The following UBE3D variants were observed in gnomAD, a reference collection of about 807,000 sequenced individuals.
The protein encoded by UBE3D is E3 ubiquitin-protein ligase E3D.
Under a neutral mutation model 49.6 loss-of-function variants are expected in UBE3D, and 48 were observed. The ratio of observed to expected loss-of-function variants is 0.97; its 90% CI spans 0.77 to 1.23. The LOEUF (loss-of-function observed/expected upper bound fraction) is 1.23, where lower values mean the gene tolerates loss of function less well. Among genes scored for constraint, UBE3D ranks in the 50% most tolerant of loss-of-function variants. The probability of loss-of-function intolerance (pLI) is 0.00; values close to 1 mark genes in which losing one functional copy is unlikely to be tolerated. For missense variants in UBE3D, 452 were observed against 468.4 expected (o/e 0.96, Z 0.32); for synonymous variants, 189 against 174.2 (o/e 1.08, Z -0.67).
At chr6:82,959,442 TC>T (rs1776390266) in intron 8 of UBE3D, among the ~76,000 whole-genome samples, 1 of 151,522 alleles carries the variant, frequency 6.6e-6, no homozygotes, top group Non-Finnish European at 1.5e-5. Context: ...AACTTCATTC[TC>T]CCCTGCTCTG....
chr6:82,889,278 TG>T (rs1425188330), downstream of UBE3D, among the ~76,000 whole-genome samples: 3 of 152,254 alleles, frequency 2.0e-5, no homozygotes, highest in Non-Finnish European at 4.4e-5. Context: ...GCAACTAGGC[TG>T]GCTTTATCAT....
chr6:82,905,476 C>G (rs1189057496), intron 9 of UBE3D, among the ~76,000 whole-genome samples: 1 of 152,120 alleles, frequency 6.6e-6, no homozygotes, highest in Non-Finnish European at 1.5e-5. Flanking sequence ...CAATGACCAG[C>G]CGTTACCCTG....
intron 8 of UBE3D, among the ~76,000 whole-genome samples, chr6:83,009,217 T>A (rs985111444): frequency 6.6e-6 from 1 of 152,176 alleles, no homozygotes; most frequent in South Asian, 2.1e-4. Flanking sequence ...AACTGGTACA[T>A]CCATGCTAGT....
At chr6:82,912,252 T>A (rs1772580391) in intron 9 of UBE3D, among the ~76,000 whole-genome samples, 1 of 152,144 alleles carries the variant, frequency 6.6e-6, no homozygotes, top group Non-Finnish European at 1.5e-5. Context: ...ACTTTATCAT[T>A]TTTACTCCTC....
chr6:82,883,344 C>A, the UBE3D span, among the ~76,000 whole-genome samples: 6 of 152,106 alleles, frequency 3.9e-5, no homozygotes, highest in African/African-American at 1.2e-4. Flanking sequence ...TAACTCAAAT[C>A]GATCATACCC....
intron 1 of UBE3D, among the ~76,000 whole-genome samples, chr6:83,064,255 C>A (rs1784358848): frequency 6.6e-6 from 1 of 151,980 alleles, no homozygotes. Context: ...GACGGAGTCT[C>A]TTTCTGTTGC....
intron 8 of UBE3D, among the ~76,000 whole-genome samples, chr6:82,985,023 T>TTC: frequency 7.0e-6 from 1 of 141,948 alleles, no homozygotes; most frequent in East Asian, 2.1e-4. Context: ...TTTTTTTTTT[T>TTC]TTTTTTTTTG....
rs141990568 is a variant in UBE3D at position 83,052,200 on chromosome 6, A to G, written c.365+1948T>C. Among the ~76,000 whole-genome samples the G allele has an allele frequency of 4.1e-3, 624 of 152,310 alleles. 1 individual carries two copies. Among genetic ancestry groups the G allele is most frequent in the Non-Finnish European group, 7.1e-3 (484 of 68,038 alleles). Reference sequence around the variant, plus strand: ...AAAAGAATTGAGGCACAGAATGGTTAAGTAACTTGCCCAGAGTCACACTGC... The same window carrying G: ...AAAAGAATTGAGGCACAGAATGGTTGAGTAACTTGCCCAGAGTCACACTGC... On this transcript the variant is annotated intron_variant, in intron 3 of 9. Transcript: ENST00000369747.
chr6:82,970,508 T>C (rs1777268218), intron 8 of UBE3D, among the ~76,000 whole-genome samples: 1 of 152,132 alleles, frequency 6.6e-6, no homozygotes, highest in Non-Finnish European at 1.5e-5. Context: ...TTTAAACCAT[T>C]TTGAAGGTCA....
intron 3 of UBE3D, 115 bp from the exon 4 acceptor site, chr6:83,044,774 AT>A (rs1444414510): frequency 3.6e-5 from 30 of 825,156 alleles, no homozygotes; most frequent in South Asian, 5.4e-5. Flanking sequence ...TGCAATGCTA[AT>A]TTTTTCCCCA....
intron 8 of UBE3D, among the ~76,000 whole-genome samples, chr6:82,998,632 T>A (rs1779406811): frequency 6.6e-6 from 1 of 152,224 alleles, no homozygotes; most frequent in South Asian, 2.1e-4. Flanking sequence ...CCATCAATAA[T>A]CTTTGGTACT....
intron 8 of UBE3D, among the ~76,000 whole-genome samples, chr6:82,999,165 G>C (rs539066949): frequency 5.6e-4 from 85 of 152,252 alleles, no homozygotes; most frequent in African/African-American, 1.7e-3. Flanking sequence ...CAGAGGACAA[G>C]TATTTCATCT....
At chr6:83,042,748 G>T (rs991261457) in intron 4 of UBE3D, among the ~76,000 whole-genome samples, 4 of 152,170 alleles carry the variant, frequency 2.6e-5, no homozygotes, top group Non-Finnish European at 5.9e-5. Flanking sequence ...TTTCCCAAGA[G>T]ATACCATTAG....
chr6:82,937,233 T>C lies in UBE3D; in HGVS notation c.1149+20079A>G, dbSNP rs139418377. On this transcript the variant is annotated intron_variant, in intron 9 of 9. Coordinates refer to ENST00000369747, the MANE Select transcript of UBE3D (RefSeq NM_198920.3). ...AGGAGGGCTCACAAGAGGTTCTCAA[T>C]GGAGGCTTGAGAACAGTTTCACCTT... is the stretch of plus-strand genomic sequence containing the variant. Among the ~76,000 whole-genome samples, 265 of 152,308 alleles carry C rather than the reference T, an allele frequency of 1.7e-3. 1 individual carries two copies. The highest frequency in any genetic ancestry group is 2.7e-3 in the Non-Finnish European group (186 of 68,030).
intron 8 of UBE3D, among the ~76,000 whole-genome samples, chr6:82,961,538 C>T (rs540351766): frequency 7.9e-5 from 12 of 152,236 alleles, no homozygotes; most frequent in East Asian, 5.8e-4. Flanking sequence ...CAGGTCAGCC[C>T]GAATGCAAAG....
In UBE3D at chr6:83,042,663, G is replaced by A. The variant is rs150782450; in HGVS notation, c.597+1765C>T. ...CTGCTCAGAGAGGTGGATTAGCCTC[G>A]TGTCCTCCCTTTTATTTTCCCTTTG... is the stretch of plus-strand genomic sequence containing the variant. On this transcript the variant is annotated intron_variant, in intron 4 of 9. Coordinates refer to ENST00000369747, the MANE Select transcript of UBE3D (RefSeq NM_198920.3). 2.2e-3 allele frequency among the ~76,000 whole-genome samples: 340 copies of A among 152,226 alleles called. 4 individuals are homozygous for A. Among genetic ancestry groups the A allele is most frequent in the African/African-American group, 7.8e-3 (324 of 41,548 alleles).
chr6:82,998,189 A>G (rs531181497), intron 8 of UBE3D, among the ~76,000 whole-genome samples: 1 of 152,338 alleles, frequency 6.6e-6, no homozygotes, highest in South Asian at 2.1e-4. Context: ...AACTCCAATA[A>G]TTAAATGTTC....
chr6:83,034,607 C>T (rs1457706823), intron 5 of UBE3D, among the ~76,000 whole-genome samples: 1 of 152,056 alleles, frequency 6.6e-6, no homozygotes, highest in African/African-American at 2.4e-5. Flanking sequence ...CCCCGTCTCA[C>T]GATAGAGTTA....
At chr6:82,959,898 A>T (rs1482755035) in intron 8 of UBE3D, among the ~76,000 whole-genome samples, 2 of 152,074 alleles carry the variant, frequency 1.3e-5, no homozygotes, top group Non-Finnish European at 2.9e-5. Context: ...TAGTGGAAGA[A>T]AGGCAGCTCC....
Sources: allele counts gnomAD v4.1 joint callset (sites outside exome capture counted in the v4.1 genomes callset), GRCh38; gene constraint gnomAD v4.1.1; transcripts MANE v1.5; gene names NCBI Gene and HGNC (gene_info 2026-07-23, HGNC 2026-07-21).